The following RGS3 variants were observed in gnomAD, a reference collection of about 807,000 sequenced individuals.
The protein encoded by RGS3 is regulator of G-protein signalling 3.
In RGS3, 80 loss-of-function variants were observed where a neutral mutation model predicts 132.6. That is an observed-to-expected ratio of 0.60 (90% confidence interval 0.50 to 0.73). The LOEUF is 0.73. Ranked by LOEUF, RGS3 falls within the 30% of genes least tolerant of loss-of-function variation. RGS3 has a pLI of 0.00. For missense variants in RGS3, 1,382 were observed against 1,530.8 expected (o/e 0.90, Z 1.62); for synonymous variants, 598 against 620.6 (o/e 0.96, Z 0.54).
Position 113,524,547 on chromosome 9 carries a change from G to A in RGS3, c.1870+1506G>A, listed in dbSNP as rs1178649692. Among the ~76,000 whole-genome samples the A allele has an allele frequency of 2.0e-5, 3 of 152,240 alleles. No homozygotes were observed. The East Asian group carries it at 5.8e-4, about 29-fold the overall frequency. On this transcript the variant is annotated intron_variant, in intron 17 of 24. Transcript: ENST00000350696. ...AAGGCTCACACTGGCTACAATTTGG[G>A]TGGAGGTGGAGGTTGCGGGGAGAAG...
At chr9:113,541,602 A>G in intron 19 of RGS3, 1 of 1,314,756 alleles carries the variant, frequency 7.6e-7, no homozygotes, top group African/African-American at 1.5e-5. Context: ...GAAGGACCAC[A>G]ATGGTGTGAG....
intron 3 of RGS3, among the ~76,000 whole-genome samples, chr9:113,476,284 T>C (rs1829992790): frequency 6.6e-6 from 1 of 150,950 alleles, no homozygotes; most frequent in East Asian, 2.0e-4. Flanking sequence ...GGGGGTAGAG[T>C]TCTAATCTCC....
intron 3 of RGS3, among the ~76,000 whole-genome samples, chr9:113,472,050 A>G (rs561547184): frequency 2.0e-5 from 3 of 152,338 alleles, no homozygotes; most frequent in Admixed American, 6.5e-5. Flanking sequence ...TATCAGGGAA[A>G]TGCAAATCAA....
intron 7 of RGS3, 140 bp from the exon 6 acceptor site, chr9:113,495,646 A>G: frequency 2.8e-6 from 2 of 726,908 alleles, no homozygotes. Flanking sequence ...TCACAGAGTC[A>G]GAAGGATCAA....
At chr9:113,487,604 G>A (rs909994489) in intron 7 of RGS3, among the ~76,000 whole-genome samples, 1 of 152,186 alleles carries the variant, frequency 6.6e-6, no homozygotes, top group Non-Finnish European at 1.5e-5. Context: ...ACTCATGGGT[G>A]GACAGGTGAA....
chr9:113,492,494 T>G (rs768894913), intron 7 of RGS3, among the ~76,000 whole-genome samples: 38 of 152,380 alleles, frequency 2.5e-4, no homozygotes, highest in Non-Finnish European at 2.1e-4. Flanking sequence ...TGTTGTTTCC[T>G]TAACGCTGTG....
intron 10 of RGS3, among the ~76,000 whole-genome samples, chr9:113,501,141 A>G (rs908330257): frequency 4.0e-4 from 61 of 152,096 alleles, no homozygotes; most frequent in Non-Finnish European, 4.7e-4. Context: ...CTGGATTTCT[A>G]GCAGGGTCCC....
At chr9:113,548,346 G>T (rs1200869676) in intron 19 of RGS3, among the ~76,000 whole-genome samples, 2 of 152,222 alleles carry the variant, frequency 1.3e-5, no homozygotes, top group African/African-American at 4.8e-5. Flanking sequence ...TGGAAATATT[G>T]AGAAAGCAGC....
rs1245629121 is a variant in RGS3, at chr9:113,463,231, AG to A, written c.415+1033del. On this transcript the variant is annotated intron_variant, in intron 3 of 24. Coordinates refer to ENST00000350696, the Ensembl canonical transcript of RGS3. The surrounding 1 kb of genome is among the most constrained non-coding windows in gnomAD (Gnocchi z 4.6). ...GGCTCAAGAGAGTGATCCAGGATGC[AG>A]GGTTTGGGAAGAGGATGCAGCATGG... Among the ~76,000 whole-genome samples, 4 of 152,186 alleles carry A rather than the reference AG, an allele frequency of 2.6e-5. No individual in the cohort carries two copies. The highest frequency in any genetic ancestry group is 5.9e-5 in the Non-Finnish European group (4 of 68,022).
At chr9:113,573,593 T>G (rs566119347) in intron 19 of RGS3, among the ~76,000 whole-genome samples, 1 of 152,276 alleles carries the variant, frequency 6.6e-6, no homozygotes, top group East Asian at 1.9e-4. Flanking sequence ...TGGCAGAGCT[T>G]CTTTGATTAA....
chr9:113,500,094 C>G (rs1055964193), intron 10 of RGS3, among the ~76,000 whole-genome samples: 2 of 152,190 alleles, frequency 1.3e-5, no homozygotes, highest in Non-Finnish European at 2.9e-5. Flanking sequence ...CTTGTAAAGT[C>G]CTCCTGCGTG....
At chr9:113,592,912 T>C (rs1310396733) in intron 21 of RGS3, 2 of 152,258 alleles carry the variant, frequency 1.3e-5, no homozygotes, top group African/African-American at 4.8e-5. Context: ...TGTAATCTAA[T>C]TTAATCTTTA....
chr9:113,488,881 G>A (rs957949336), intron 7 of RGS3, among the ~76,000 whole-genome samples: 1 of 152,200 alleles, frequency 6.6e-6, no homozygotes, highest in African/African-American at 2.4e-5. Context: ...AGGCCTCTGA[G>A]CTGGAGGAGG....
intron 19 of RGS3, among the ~76,000 whole-genome samples, chr9:113,567,350 A>G (rs934202330): frequency 2.6e-5 from 4 of 151,518 alleles, no homozygotes; most frequent in Admixed American, 1.3e-4. Flanking sequence ...TTTGTGTCCT[A>G]TGTATGCAGA....
intron 19 of RGS3, among the ~76,000 whole-genome samples, chr9:113,557,443 G>C (rs1833614501): frequency 6.6e-6 from 1 of 152,246 alleles, no homozygotes; most frequent in Admixed American, 6.5e-5. Flanking sequence ...AGCCACTGAG[G>C]ACAGTGGGAT....
chr9:113,459,405 C>A (rs1011125749), upstream of RGS3, among the ~76,000 whole-genome samples: 5 of 152,078 alleles, frequency 3.3e-5, no homozygotes, highest in Admixed American at 2.6e-4. Flanking sequence ...TCATCCAGTT[C>A]CTTTCAGATT....
At position 113,536,777 on chromosome 9, in the gene RGS3, C is replaced by G. The variant is rs140418087; in HGVS notation, c.1915-19C>G. The G allele has an allele frequency of 1.6e-3, 2,584 of 1,612,082 alleles. 50 individuals are homozygous for G. In the African/African-American group the frequency reaches 0.031, roughly 19 times the overall value. ...GGAGCAGCCCTGACCGTCCGTTTCT[C>G]TATTTTCCCTGACGTCAGAAGGCAG... is the stretch of plus-strand genomic sequence containing the variant. On this transcript the variant is annotated intron_variant, in intron 18 of 24. Coordinates refer to ENST00000350696, the Ensembl canonical transcript of RGS3.
chr9:113,594,287 G>T, intron 21 of RGS3, 143 bp from the exon 20 acceptor site: 1 of 1,601,288 alleles, frequency 6.2e-7, no homozygotes. Context: ...ATGCTCCGAG[G>T]CATGTACCTC....
At chr9:113,593,889 C>A in intron 21 of RGS3, 1 of 1,563,142 alleles carries the variant, frequency 6.4e-7, no homozygotes. Context: ...CTGACTTGTC[C>A]CCCACCCCCC....
Sources: allele counts gnomAD v4.1 joint callset (sites outside exome capture counted in the v4.1 genomes callset), GRCh38; gene constraint gnomAD v4.1.1; non-coding constraint Gnocchi (gnomAD v3.1); transcripts MANE v1.5; gene names NCBI Gene and HGNC (gene_info 2026-07-23, HGNC 2026-07-21).